Variants in ARRDC5 observed in about 807,000 individuals in gnomAD.
ARRDC5 encodes the protein arrestin domain-containing protein 5.
A neutral mutation model predicts 13.3 loss-of-function variants in ARRDC5; 12 were observed. The ratio of observed to expected loss-of-function variants is 0.90; its 90% CI spans 0.58 to 1.46. The LOEUF (loss-of-function observed/expected upper bound fraction) is 1.46, where lower values mean the gene tolerates loss of function less well. Ranked by LOEUF, ARRDC5 falls within the 40% of genes most tolerant of loss-of-function variation. The pLI, the probability that ARRDC5 is intolerant of heterozygous loss-of-function variation, is 0.00. For synonymous variants in ARRDC5, 181 were observed against 173.4 expected, an observed-to-expected ratio of 1.04 and a Z score of -0.34; for missense variants, 406 against 418.7, an observed-to-expected ratio of 0.97 and a Z score of 0.26.
chr19:4,908,912 G>C, the ARRDC5 span, among the ~76,000 whole-genome samples: 1 of 152,128 alleles, frequency 6.6e-6, no homozygotes, highest in Non-Finnish European at 1.5e-5. Context: ...GGAACAGACA[G>C]GGCGGAGGGG....
the ARRDC5 span, chr19:4,910,736 G>C: frequency 1.0e-6 from 1 of 1,002,664 alleles, no homozygotes; most frequent in Non-Finnish European, 1.4e-6. Flanking sequence ...GGGTCTGGCT[G>C]TACAGGAGGA....
chr19:4,903,173 C>A, upstream of ARRDC5: 2 of 262,762 alleles, frequency 7.6e-6, no homozygotes, highest in East Asian at 1.6e-4. Flanking sequence ...ACCACGGGTG[C>A]ATGCCAGCAT....
chr19:4,892,590 C>A (rs755120733), intron 2 of ARRDC5, among the ~76,000 whole-genome samples: 1 of 147,620 alleles, frequency 6.8e-6, no homozygotes, highest in Non-Finnish European at 1.5e-5. Context: ...AACTCCTGGG[C>A]TCAAGCAGTC....
chr19:4,909,871 G>T, the ARRDC5 span: 3 of 379,132 alleles, frequency 7.9e-6, no homozygotes, highest in African/African-American at 2.1e-5. Flanking sequence ...GGAGCCCGGC[G>T]GGGGGTCGAG....
At chr19:4,906,481 C>G (rs1020153196), upstream of ARRDC5, among the ~76,000 whole-genome samples, 10 of 152,118 alleles carry the variant, frequency 6.6e-5, no homozygotes, top group Non-Finnish European at 1.2e-4. Context: ...CAGCCAATCA[C>G]AGTGGCTCAT....
At chr19:4,916,142 T>C in the ARRDC5 span, among the ~76,000 whole-genome samples, 1 of 151,928 alleles carries the variant, frequency 6.6e-6, no homozygotes, top group African/African-American at 2.4e-5. Context: ...ACCCCGTCTC[T>C]ACAAAAAATG....
At chr19:4,901,221 A>T (rs1302066176) in intron 1 of ARRDC5, among the ~76,000 whole-genome samples, 1 of 152,134 alleles carries the variant, frequency 6.6e-6, no homozygotes, top group African/African-American at 2.4e-5. Context: ...CAGGAGGCTG[A>T]GGTGAGAGGA....
In ARRDC5 at chr19:4,896,356, T is replaced by A. The variant is rs867624932; in HGVS notation, c.459+315A>T. Among the ~76,000 whole-genome samples, 138 of 98,408 alleles carry A rather than the reference T, an allele frequency of 1.4e-3. 1 individual carries two copies. Among genetic ancestry groups the A allele is most frequent in the African/African-American group, 2.6e-3 (57 of 22,346 alleles). The allele number at this position is 98,408 out of a possible 152,430, so 64.6% of individuals were successfully genotyped here. ...TATATATATATATATATATTTTTTT[T>A]TTTTTACACACACACACACACACAC... is the stretch of plus-strand genomic sequence containing the variant. On this transcript the variant is annotated intron_variant, in intron 2 of 2. Coordinates refer to ENST00000650722, the MANE Select transcript of ARRDC5 (RefSeq NM_001080523.3).
At chr19:4,891,701 A>G in intron 2 of ARRDC5, 128 bp from the exon 3 acceptor site, 1 of 797,880 alleles carries the variant, frequency 1.3e-6, no homozygotes, top group South Asian at 1.8e-5. Context: ...TCACGCCTAT[A>G]ATCCCAACAC....
At chr19:4,893,288 C>A (rs2031580110) in intron 2 of ARRDC5, among the ~76,000 whole-genome samples, 1 of 139,886 alleles carries the variant, frequency 7.1e-6, no homozygotes, top group South Asian at 2.2e-4. Flanking sequence ...GGAGGATCAC[C>A]TGAGGTCAGG....
chr19:4,896,725 C>T lies in ARRDC5; in HGVS notation c.405G>A (p.Arg135=). 1.9e-6 allele frequency: 3 copies of T among 1,613,718 alleles called. No individual in the cohort carries two copies. Among genetic ancestry groups the T allele is most frequent in the Non-Finnish European group, 2.5e-6 (3 of 1,179,726 alleles). ...MGREHILAKK[R]MYLLVQGTST... is the part of the protein sequence containing the mutation. ...AAGTTCCTTGAACCAATAAGTACAT[C>T]CTCTTCTTGGCTAAAATGTGTTCCC... Residue 135 remains arginine (R), a synonymous_variant, in exon 2 of 3, where the codon AGG becomes AGA. Transcript: ENST00000650722.
At chr19:4,910,850 G>C in the ARRDC5 span, 2 of 1,580,372 alleles carry the variant, frequency 1.3e-6, no homozygotes, top group Admixed American at 1.7e-5. Flanking sequence ...AAAACTGATG[G>C]GGGTTTTTGC....
Position 4,896,783 on chromosome 19 carries a change from A to G in ARRDC5, c.347T>C (p.Val116Ala). ...GCAGGAAGCTTGTACGAAATAGAAG[A>G]CATGGCCAAATTTGCTGGTGAAGGT... Reference protein sequence around the residue: ...PSTFTSKFGHVFYFVQASCMG... With the variant: ...PSTFTSKFGHAFYFVQASCMG... Residue 116 changes from valine to alanine, a missense_variant, in exon 2 of 3, where the codon GTC becomes GCC. Coordinates refer to ENST00000650722, the MANE Select transcript of ARRDC5 (RefSeq NM_001080523.3). 1 of 1,613,866 alleles carries G rather than the reference A, an allele frequency of 6.2e-7. No homozygotes were observed. Among genetic ancestry groups the G allele is most frequent in the Non-Finnish European group, 8.5e-7 (1 of 1,179,804 alleles).
chr19:4,907,320 A>G (rs1400023600), upstream of ARRDC5, among the ~76,000 whole-genome samples: 1 of 152,118 alleles, frequency 6.6e-6, no homozygotes, highest in East Asian at 1.9e-4. Flanking sequence ...TCCAGGCTGA[A>G]GTGCAGTGGC....
At chr19:4,913,104 G>A in the ARRDC5 span, among the ~76,000 whole-genome samples, 1 of 152,016 alleles carries the variant, frequency 6.6e-6, no homozygotes, top group Admixed American at 6.6e-5. Flanking sequence ...GAATAATTTT[G>A]ACAAATGTCT....
intron 1 of ARRDC5, among the ~76,000 whole-genome samples, chr19:4,900,059 C>T (rs2031865880): frequency 6.6e-6 from 1 of 151,160 alleles, no homozygotes; most frequent in Admixed American, 6.6e-5. Flanking sequence ...ACTGCAACCT[C>T]CGTCTCCCTT....
the ARRDC5 span, among the ~76,000 whole-genome samples, chr19:4,916,782 G>T: frequency 6.6e-6 from 1 of 152,208 alleles, no homozygotes; most frequent in African/African-American, 2.4e-5. Context: ...GGGCCAGCAG[G>T]AGCTGTGGCT....
At chr19:4,914,989 G>C in the ARRDC5 span, among the ~76,000 whole-genome samples, 9 of 152,220 alleles carry the variant, frequency 5.9e-5, no homozygotes, top group African/African-American at 1.7e-4. Flanking sequence ...GGACCGTCCT[G>C]GGCACTGCAG....
chr19:4,896,715 A>G lies in ARRDC5; in HGVS notation c.415T>C (p.Leu139=), dbSNP rs1363939188. Residue 139 remains leucine, a synonymous_variant, in exon 2 of 3, where the codon TTG becomes CTG. Transcript: ENST00000650722. ...HILAKKRMYL[L]VQGTSTFHKE... ...TGGAAGGTGGAAGTTCCTTGAACCA[A>G]TAAGTACATCCTCTTCTTGGCTAAA... 2 of 1,613,650 alleles carry G rather than the reference A, an allele frequency of 1.2e-6. No homozygotes were observed. The highest frequency in any genetic ancestry group is 2.2e-5 in the East Asian group (1 of 44,876).
Sources: allele counts gnomAD v4.1 joint callset (sites outside exome capture counted in the v4.1 genomes callset), GRCh38; gene constraint gnomAD v4.1.1; transcripts MANE v1.5; gene names NCBI Gene and HGNC (gene_info 2026-07-23, HGNC 2026-07-21).